The following TEX35 variants were observed in gnomAD, a reference collection of about 807,000 sequenced individuals.
The protein encoded by TEX35 is testis expressed 35.
TEX35 carries 26 observed loss-of-function variants against 31.9 expected under a neutral mutation model. The ratio of observed to expected loss-of-function variants is 0.81; its 90% CI spans 0.60 to 1.13. TEX35 has a LOEUF of 1.13. TEX35 is among the 50% of genes most tolerant of loss of function. The probability of loss-of-function intolerance (pLI) is 0.00; values close to 1 mark genes in which losing one functional copy is unlikely to be tolerated. For synonymous variants in TEX35, 87 were observed against 90.7 expected (o/e 0.96, Z 0.23); for missense variants, 278 against 273.5 (o/e 1.02, Z -0.12).
At chr1:178,513,276 C>T (rs1489172087) in intron 1 of TEX35, 49 bp downstream of exon 1, 2 of 1,610,848 alleles carry the variant, frequency 1.2e-6, no homozygotes, top group Admixed American at 1.7e-5. Flanking sequence ...TGAGCTCCTA[C>T]TGAATGGAGA....
In TEX35 at chr1:178,514,026, G is replaced by C. The variant is rs373315165; in HGVS notation, c.40-1G>C. ...TGAATCTCAGTCTCCTCTTTTTGCA[G>C]AGCAAGAACTACAAGGCAGTTTGCC... is the stretch of plus-strand genomic sequence containing the variant. On this transcript the variant is annotated splice_acceptor_variant, in intron 1 of 8. Transcript: ENST00000319416. LOFTEE classifies it high-confidence loss of function. 4 of 1,612,676 alleles carry C rather than the reference G, an allele frequency of 2.5e-6. No homozygotes were observed. Among genetic ancestry groups the C allele is most frequent in the Non-Finnish European group, 3.4e-6 (4 of 1,179,630 alleles).
chr1:178,516,543 C>A, intron 4 of TEX35, 72 bp from the exon 5 acceptor site: 1 of 1,389,014 alleles, frequency 7.2e-7, no homozygotes, highest in Non-Finnish European at 1.0e-6. Context: ...CTTAAAATGC[C>A]TGAAAGATGC....
At position 178,514,023 on chromosome 1, in the gene TEX35, G is replaced by T. The variant is rs1174377220; in HGVS notation, c.40-4G>T. 3 of 1,611,578 alleles carry T rather than the reference G, an allele frequency of 1.9e-6. No individual in the cohort carries two copies. Among genetic ancestry groups the T allele is most frequent in the East Asian group, 2.2e-5 (1 of 44,862 alleles). On this transcript the variant is annotated splice_region_variant and splice_polypyrimidine_tract_variant and intron_variant, in intron 1 of 8. Transcript: ENST00000319416. ...GCCTGAATCTCAGTCTCCTCTTTTT[G>T]CAGAGCAAGAACTACAAGGCAGTTT...
rs780835529 is a variant in TEX35 at position 178,520,833 on chromosome 1, CAG to C, written c.503_504del (p.Gln168ArgfsTer63). On this transcript the variant is annotated frameshift_variant, in exon 7 of 9. Transcript: ENST00000319416. LOFTEE classifies it high-confidence loss of function. ...GACGATGGCACCACAAAAAACAAAACAGGGCTCACTGGATCCCCTTCATCACT... is the reference window on the plus strand; with the variant it reads ...GACGATGGCACCACAAAAAACAAAACGGCTCACTGGATCCCCTTCATCACT... ...KKTMAPQKTK[Q>X]GSLDPLHHCG... The C allele has an allele frequency of 6.2e-7, 1 of 1,614,184 alleles. No individual in the cohort carries two copies. Among genetic ancestry groups the C allele is most frequent in the East Asian group, 2.2e-5 (1 of 44,876 alleles).
At chr1:178,520,522 A>T (rs1399562945) in intron 6 of TEX35, 86 bp downstream of exon 6, 2 of 1,611,296 alleles carry the variant, frequency 1.2e-6, no homozygotes, top group East Asian at 4.5e-5. Context: ...TTCAGAGGAC[A>T]CCCAGACTCT....
In TEX35 at chr1:178,514,049, G is replaced by T. The variant is rs201454895; in HGVS notation, c.62G>T (p.Cys21Phe). The change falls in exon 2 of 9, where the codon TGC becomes TTC. Residue 21 changes from cysteine (C) to phenylalanine (F), a missense_variant. Transcript: ENST00000319416. ...THLSKNYKAV[C>F]LELKPEPTKT... ...CAGAGCAAGAACTACAAGGCAGTTT[G>T]CCTGGAATTGAAGCCAGAGCCGACC... The T allele has an allele frequency of 1.9e-6, 3 of 1,614,188 alleles. No homozygotes were observed. The South Asian group carries it at 3.3e-5, about 18-fold the overall frequency.
intron 2 of TEX35, 30 bp downstream of exon 2, chr1:178,514,107 A>G: frequency 6.2e-7 from 1 of 1,614,148 alleles, no homozygotes; most frequent in South Asian, 1.1e-5. Flanking sequence ...CCATGCAGGC[A>G]GCCAGGCCTG....
intron 1 of TEX35, among the ~76,000 whole-genome samples, chr1:178,513,603 G>A (rs999886686): frequency 3.3e-5 from 5 of 152,258 alleles, no homozygotes; most frequent in Non-Finnish European, 7.3e-5. Flanking sequence ...TTATAGATGA[G>A]GAAATGGGGG....
chr1:178,514,569 T>C, intron 2 of TEX35, 131 bp from the exon 3 acceptor site: 1 of 849,558 alleles, frequency 1.2e-6, no homozygotes, highest in East Asian at 2.7e-5. Flanking sequence ...TCTGCACAGG[T>C]GGGGCCACCA....
At chr1:178,517,273 A>G (rs1378890070) in intron 5 of TEX35, among the ~76,000 whole-genome samples, 1 of 152,222 alleles carries the variant, frequency 6.6e-6, no homozygotes, top group Non-Finnish European at 1.5e-5. Flanking sequence ...AACCAAACAC[A>G]TGAATGAAAT....
chr1:178,520,242 A>G, intron 5 of TEX35, 130 bp from the exon 6 acceptor site: 1 of 874,418 alleles, frequency 1.1e-6, no homozygotes, highest in Admixed American at 2.4e-5. Flanking sequence ...ACACTCCAAA[A>G]GCCACCTCAC....
intron 6 of TEX35, 39 bp downstream of exon 6, chr1:178,520,475 G>A (rs2101897491): frequency 1.2e-6 from 2 of 1,614,086 alleles, no homozygotes; most frequent in East Asian, 2.2e-5. Flanking sequence ...CATCCCTAAA[G>A]GGTCTCCTCC....
At chr1:178,513,888 G>A in intron 1 of TEX35, 139 bp from the exon 2 acceptor site, 2 of 935,342 alleles carry the variant, frequency 2.1e-6, no homozygotes, top group Non-Finnish European at 3.2e-6. Context: ...GGGTCTGTGA[G>A]CCTGAGCTCA....
chr1:178,518,316 TA>T (rs1459483299), intron 5 of TEX35, among the ~76,000 whole-genome samples: 1 of 152,166 alleles, frequency 6.6e-6, no homozygotes, highest in Non-Finnish European at 1.5e-5. Context: ...ACAATAGATA[TA>T]AAAAAATCAA....
At chr1:178,517,769 A>T (rs1269574650) in intron 5 of TEX35, among the ~76,000 whole-genome samples, 1 of 152,244 alleles carries the variant, frequency 6.6e-6, no homozygotes, top group East Asian at 1.9e-4. Context: ...AAAAAACTTA[A>T]GCCAGTTAAC....
chr1:178,516,159 G>A (rs1650067882), intron 4 of TEX35, among the ~76,000 whole-genome samples: 1 of 152,176 alleles, frequency 6.6e-6, no homozygotes, highest in Non-Finnish European at 1.5e-5. Flanking sequence ...TGTCACCTTA[G>A]TGATGAAGCT....
chr1:178,520,905 G>C lies in TEX35; in HGVS notation c.543+31G>C, dbSNP rs766243174. Reference sequence around the variant, plus strand: ...TGAAACCCTGCCCGAGCCCAGCACTGGTGCCAGACCCCTGGCTCCGGCTCC... The same window carrying C: ...TGAAACCCTGCCCGAGCCCAGCACTCGTGCCAGACCCCTGGCTCCGGCTCC... On this transcript the variant is annotated intron_variant, in intron 7 of 8. Transcript: ENST00000319416. The C allele has an allele frequency of 3.7e-6, 6 of 1,612,016 alleles. No individual in the cohort carries two copies. In the South Asian group the frequency reaches 6.6e-5, roughly 18 times the overall value.
intron 8 of TEX35, 144 bp downstream of exon 8, chr1:178,521,408 C>T (rs1650272531): frequency 1.9e-6 from 2 of 1,074,106 alleles, no homozygotes; most frequent in Non-Finnish European, 2.9e-6. Flanking sequence ...TGCCACCCAG[C>T]ATGCTCAGTC....
intron 8 of TEX35, chr1:178,521,762 CCCCAA>C (rs763952910): frequency 3.2e-6 from 5 of 1,551,672 alleles, no homozygotes; most frequent in Non-Finnish European, 4.4e-6. Context: ...TTAAATACCA[CCCCAA>C]CCCCAGGCCT....
Sources: allele counts gnomAD v4.1 joint callset (sites outside exome capture counted in the v4.1 genomes callset), GRCh38; gene constraint gnomAD v4.1.1; transcripts MANE v1.5; gene names NCBI Gene and HGNC (gene_info 2026-07-23, HGNC 2026-07-21).